The following DAB1 variants were observed in gnomAD, a reference collection of about 807,000 sequenced individuals.
DAB1 encodes the protein disabled homolog 1.
In DAB1, 15 loss-of-function variants were observed where a neutral mutation model predicts 64.6. The ratio of observed to expected loss-of-function variants is 0.23; its 90% CI spans 0.16 to 0.36. The LOEUF (loss-of-function observed/expected upper bound fraction) is 0.36. Ranked by LOEUF, DAB1 falls within the 10% of genes least tolerant of loss-of-function variation. The pLI, the probability that DAB1 is intolerant of heterozygous loss-of-function variation, is 1.00. For missense variants in DAB1, 596 were observed against 706.7 expected (o/e 0.84, Z 1.78); for synonymous variants, 235 against 251.9 (o/e 0.93, Z 0.64).
At chr1:57,382,130 T>A (rs1681434284) in intron 1 of DAB1, among the ~76,000 whole-genome samples, 2 of 152,182 alleles carry the variant, frequency 1.3e-5, no homozygotes, top group Non-Finnish European at 2.9e-5. Context: ...AGACTCACCT[T>A]ATCTGAGGAT....
At chr1:57,397,529 G>A (rs1682909781) in intron 1 of DAB1, among the ~76,000 whole-genome samples, 1 of 152,134 alleles carries the variant, frequency 6.6e-6, no homozygotes, top group Admixed American at 6.5e-5. Context: ...GCCTGGCCCA[G>A]TGCTGGGCTC....
intron 1 of DAB1, among the ~76,000 whole-genome samples, chr1:57,338,300 C>T (rs917834421): frequency 6.6e-6 from 1 of 152,082 alleles, no homozygotes. Context: ...CTTTCTTATT[C>T]TCTCTTTACC....
At chr1:58,506,084 C>G in exon 3 of DAB1, 1 of 871,474 alleles carries the variant, frequency 1.1e-6, no homozygotes, top group Non-Finnish European at 2.0e-6. Flanking sequence ...TATCCAAGTA[C>G]TCAACTCGAT....
intron 3 of DAB1, among the ~76,000 whole-genome samples, chr1:58,393,876 T>A (rs1387663323): frequency 6.6e-6 from 1 of 152,208 alleles, no homozygotes; most frequent in Non-Finnish European, 1.5e-5. Flanking sequence ...ATTTTAAATA[T>A]TTTTACCACA....
intron 5 of DAB1, among the ~76,000 whole-genome samples, chr1:57,983,459 G>A (rs1646116167): frequency 6.6e-6 from 1 of 152,170 alleles, no homozygotes; most frequent in Non-Finnish European, 1.5e-5. Context: ...TCACTGGGCA[G>A]AGTAGAAGAG....
chr1:58,256,339 G>A (rs1397345029), intron 4 of DAB1, among the ~76,000 whole-genome samples: 1 of 152,180 alleles, frequency 6.6e-6, no homozygotes, highest in Non-Finnish European at 1.5e-5. Flanking sequence ...GCAACTACGA[G>A]CTTCTTTCTC....
At chr1:57,596,011 A>G (rs1214755922) in intron 7 of DAB1, among the ~76,000 whole-genome samples, 1 of 152,214 alleles carries the variant, frequency 6.6e-6, no homozygotes, top group African/African-American at 2.4e-5. Flanking sequence ...ATAGTGATGT[A>G]AGAACAGACT....
intron 4 of DAB1, among the ~76,000 whole-genome samples, chr1:57,087,999 GC>G (rs1406459563): frequency 6.6e-6 from 1 of 152,152 alleles, no homozygotes; most frequent in African/African-American, 2.4e-5. Flanking sequence ...GCTCCTCTGA[GC>G]CCTCTTCTTC....
intron 1 of DAB1, among the ~76,000 whole-genome samples, chr1:57,870,917 G>A (rs1286829133): frequency 3.3e-5 from 5 of 152,266 alleles, no homozygotes; most frequent in Non-Finnish European, 5.9e-5. Flanking sequence ...CATTGGCAAG[G>A]AGAATTTATC....
At chr1:57,007,028 T>C (rs1166998735) in intron 14 of DAB1, among the ~76,000 whole-genome samples, 3 of 151,894 alleles carry the variant, frequency 2.0e-5, no homozygotes, top group Non-Finnish European at 2.9e-5. Flanking sequence ...CTCCTTTTTT[T>C]TCTCTCTCTC....
intron 7 of DAB1, among the ~76,000 whole-genome samples, chr1:57,557,501 T>G (rs1645003895): frequency 6.6e-6 from 1 of 152,088 alleles, no homozygotes; most frequent in East Asian, 1.9e-4. Flanking sequence ...GTTCTGTACC[T>G]CTAGAAAACC....
At chr1:58,323,970 C>A (rs558620779) in intron 4 of DAB1, among the ~76,000 whole-genome samples, 1 of 148,822 alleles carries the variant, frequency 6.7e-6, no homozygotes, top group African/African-American at 2.5e-5. Flanking sequence ...AGAAAGGTAA[C>A]CATCAATTAA....
intron 7 of DAB1, among the ~76,000 whole-genome samples, chr1:57,562,772 C>T (rs1284310554): frequency 3.3e-5 from 5 of 152,114 alleles, no homozygotes; most frequent in Non-Finnish European, 7.3e-5. Context: ...AGAGATGCTG[C>T]CACCAGGAGA....
At chr1:57,859,106 C>T (rs960546590) in intron 1 of DAB1, among the ~76,000 whole-genome samples, 37 of 145,996 alleles carry the variant, frequency 2.5e-4, no homozygotes, top group Admixed American at 1.1e-3. Flanking sequence ...CTTCCCTAAG[C>T]AGCCGAGATG....
chr1:57,469,618 G>T (rs1687072012), intron 7 of DAB1, among the ~76,000 whole-genome samples: 2 of 152,184 alleles, frequency 1.3e-5, no homozygotes, highest in Non-Finnish European at 2.9e-5. Context: ...ACTTTTATTG[G>T]TTTCCCTTAA....
intron 5 of DAB1, among the ~76,000 whole-genome samples, chr1:57,935,116 T>G (rs919354518): frequency 1.3e-5 from 2 of 152,190 alleles, no homozygotes; most frequent in Non-Finnish European, 2.9e-5. Context: ...CCACAGAGGA[T>G]AATTAGTGAG....
At chr1:57,559,765 T>G (rs1187494953) in intron 7 of DAB1, among the ~76,000 whole-genome samples, 2 of 151,966 alleles carry the variant, frequency 1.3e-5, no homozygotes, top group African/African-American at 4.8e-5. Context: ...ACTGGTAGGG[T>G]GAGGGCCATT....
chr1:58,121,920 A>T (rs1258796681), intron 5 of DAB1, among the ~76,000 whole-genome samples: 4 of 152,230 alleles, frequency 2.6e-5, no homozygotes, highest in African/African-American at 9.6e-5. Flanking sequence ...TAGAACATGC[A>T]GAACTATGCA....
At chr1:57,499,557 C>A (rs1644267146) in intron 7 of DAB1, among the ~76,000 whole-genome samples, 1 of 152,222 alleles carries the variant, frequency 6.6e-6, no homozygotes, top group Non-Finnish European at 1.5e-5. Context: ...GGTATAAACA[C>A]CATGGAAAAG....
Sources: gnomAD v4.1 joint callset for allele counts (sites outside exome capture counted in the v4.1 genomes callset) on GRCh38, gnomAD v4.1.1 for gene constraint, MANE v1.5 for transcripts, NCBI Gene and HGNC (gene_info 2026-07-23, HGNC 2026-07-21) for gene names.